Variants in SYT14 observed in about 807,000 individuals in gnomAD.
SYT14 encodes synaptotagmin 14, also known as synaptotagmin-14.
Under a neutral mutation model 74.2 loss-of-function variants are expected in SYT14, and 32 were observed. The ratio of observed to expected loss-of-function variants is 0.43; its 90% CI spans 0.33 to 0.58. The LOEUF is 0.58. Ranked by LOEUF, SYT14 falls within the 20% of genes least tolerant of loss-of-function variation. The pLI, the probability that SYT14 is intolerant of heterozygous loss-of-function variation, is 0.05. For missense variants in SYT14, 791 were observed against 981.8 expected (o/e 0.81, Z 2.60); for synonymous variants, 298 against 337.7 (o/e 0.88, Z 1.29).
chr1:210,162,150 G>A (rs982307061), exon 10 of SYT14: 7 of 438,998 alleles, frequency 1.6e-5, no homozygotes, highest in South Asian at 4.8e-5. Context: ...AAACAGTTAT[G>A]AGATTCCTTA....
At chr1:210,103,161 G>T (rs2082099080) in intron 7 of SYT14, among the ~76,000 whole-genome samples, 1 of 151,968 alleles carries the variant, frequency 6.6e-6, no homozygotes, top group African/African-American at 2.4e-5. Flanking sequence ...TTTATAGCTA[G>T]TTTTGCAGGA....
chr1:209,999,091 GA>G, intron 2 of SYT14, among the ~76,000 whole-genome samples: 1 of 152,042 alleles, frequency 6.6e-6, no homozygotes, highest in East Asian at 1.9e-4. Flanking sequence ...CTCAGTGGCA[GA>G]AAAGTAAATA....
intron 7 of SYT14, among the ~76,000 whole-genome samples, chr1:210,114,080 G>A (rs777039712): frequency 8.6e-5 from 13 of 151,408 alleles, no homozygotes; most frequent in Non-Finnish European, 1.3e-4. Flanking sequence ...GTCTTCAGCC[G>A]CTATGCCGAG....
intron 7 of SYT14, among the ~76,000 whole-genome samples, chr1:210,114,703 T>C (rs1431023917): frequency 4.6e-5 from 7 of 151,140 alleles, no homozygotes; most frequent in Admixed American, 4.6e-4. Context: ...ACTGTGCCTT[T>C]AGCTCCAGCC....
chr1:209,949,593 A>G (rs900240213), intron 1 of SYT14, among the ~76,000 whole-genome samples: 1 of 151,768 alleles, frequency 6.6e-6, no homozygotes, highest in Non-Finnish European at 1.5e-5. Flanking sequence ...AAAACACTCA[A>G]TTTCAGTTTC....
At chr1:209,988,624 G>A (rs532145132) in intron 2 of SYT14, among the ~76,000 whole-genome samples, 2 of 152,136 alleles carry the variant, frequency 1.3e-5, no homozygotes, top group East Asian at 1.9e-4. Flanking sequence ...TGTTAGGAGG[G>A]GCAAAACCTG....
chr1:210,057,771 G>A (rs1166223265), intron 5 of SYT14, among the ~76,000 whole-genome samples: 1 of 152,008 alleles, frequency 6.6e-6, no homozygotes, highest in African/African-American at 2.4e-5. Flanking sequence ...TCTTGATATG[G>A]CCACAAAATG....
chr1:210,011,970 G>A (rs1417213174), intron 2 of SYT14, among the ~76,000 whole-genome samples: 1 of 152,176 alleles, frequency 6.6e-6, no homozygotes, highest in East Asian at 1.9e-4. Flanking sequence ...GACTGGAGAA[G>A]CTGTCTTTTG....
At chr1:209,996,364 A>G (rs1236895983) in intron 2 of SYT14, among the ~76,000 whole-genome samples, 3 of 152,168 alleles carry the variant, frequency 2.0e-5, no homozygotes, top group African/African-American at 7.2e-5. Flanking sequence ...GGAAGTGTAT[A>G]AAATCCTGGA....
intron 7 of SYT14, among the ~76,000 whole-genome samples, chr1:210,141,437 A>G (rs780857037): frequency 3.9e-5 from 6 of 152,100 alleles, no homozygotes; most frequent in Non-Finnish European, 5.9e-5. Context: ...TATTTTCTTC[A>G]TGTGCATTTT....
chr1:209,976,631 G>A (rs1378276238), intron 2 of SYT14, among the ~76,000 whole-genome samples: 1 of 151,988 alleles, frequency 6.6e-6, no homozygotes, highest in African/African-American at 2.4e-5. Flanking sequence ...CAACTATGTG[G>A]TCAATTTTGG....
intron 7 of SYT14, among the ~76,000 whole-genome samples, chr1:210,113,052 C>T (rs1306001282): frequency 1.3e-4 from 19 of 151,434 alleles, no homozygotes; most frequent in African/African-American, 2.2e-4. Context: ...CAGCGGCAGC[C>T]GCCGCACGCA....
chr1:210,079,166 C>T (rs1276589197), intron 5 of SYT14, among the ~76,000 whole-genome samples: 1 of 151,670 alleles, frequency 6.6e-6, no homozygotes, highest in Non-Finnish European at 1.5e-5. Flanking sequence ...AGCCTTTTTT[C>T]ATCATTGCTC....
At chr1:209,983,222 A>AT (rs1425336450) in intron 2 of SYT14, among the ~76,000 whole-genome samples, 3 of 151,072 alleles carry the variant, frequency 2.0e-5, no homozygotes, top group South Asian at 2.1e-4. Flanking sequence ...TTTATCAACT[A>AT]TTTTTTTTCA....
At chr1:210,143,095 G>A (rs2082953546) in intron 7 of SYT14, among the ~76,000 whole-genome samples, 1 of 152,128 alleles carries the variant, frequency 6.6e-6, no homozygotes, top group African/African-American at 2.4e-5. Context: ...AGGAGTTTTA[G>A]TAGTAAGGAA....
Position 209,999,755 on chromosome 1 carries a change from G to A in SYT14, c.-485-13878G>A, listed in dbSNP as rs2079860267. 1.3e-5 allele frequency among the ~76,000 whole-genome samples: 2 copies of A among 152,116 alleles called. 1 individual carries two copies. Among genetic ancestry groups the A allele is most frequent in the South Asian group, 4.1e-4 (2 of 4,830 alleles). The stretch of plus-strand genomic sequence containing the variant: ...GTAAATATCAGAGGCTCAGAATGGT[G>A]TATATGGTAAGGATGGGGGAATAAG... On this transcript the variant is annotated intron_variant, in intron 2 of 9. Coordinates refer to ENST00000637265, the Ensembl canonical transcript of SYT14.
chr1:209,994,302 T>G (rs765752239), intron 2 of SYT14, among the ~76,000 whole-genome samples: 1 of 152,148 alleles, frequency 6.6e-6, no homozygotes, highest in Non-Finnish European at 1.5e-5. Context: ...AAGAACCAAC[T>G]GAACTTCTAG....
At chr1:210,106,665 GC>G (rs1231898549) in intron 7 of SYT14, among the ~76,000 whole-genome samples, 1 of 152,124 alleles carries the variant, frequency 6.6e-6, no homozygotes, top group Admixed American at 6.5e-5. Context: ...AAGGGTAACT[GC>G]CCCCATGATT....
chr1:210,024,633 T>C (rs1460628909), intron 5 of SYT14, among the ~76,000 whole-genome samples: 1 of 152,186 alleles, frequency 6.6e-6, no homozygotes, highest in Non-Finnish European at 1.5e-5. Context: ...AAGCTTGTAA[T>C]CATGAATGCG....
Sources: allele counts gnomAD v4.1 joint callset (sites outside exome capture counted in the v4.1 genomes callset), GRCh38; gene constraint gnomAD v4.1.1; transcripts MANE v1.5; gene names NCBI Gene and HGNC (gene_info 2026-07-23, HGNC 2026-07-21).